VDAC2: variants seen among roughly 807,000 people sequenced by gnomAD.
VDAC2 encodes the protein voltage dependent anion channel 2.
A neutral mutation model predicts 36.6 loss-of-function variants in VDAC2; 6 were observed. That is an observed-to-expected ratio of 0.16 (90% CI 0.09 to 0.32). The LOEUF (loss-of-function observed/expected upper bound fraction) is 0.32, where lower values mean the gene tolerates loss of function less well. VDAC2 is among the 10% of genes least tolerant of loss of function. The probability of loss-of-function intolerance (pLI) is 1.00; values close to 1 mark genes in which losing one functional copy is unlikely to be tolerated. For synonymous variants in VDAC2, 109 were observed against 123.8 expected, an observed-to-expected ratio of 0.88 and a Z score of 0.79; for missense variants, 247 against 346.0, an observed-to-expected ratio of 0.71 and a Z score of 2.27.
intron 7 of VDAC2, 116 bp downstream of exon 7, chr10:75,221,086 A>T: frequency 1.8e-6 from 2 of 1,119,352 alleles, no homozygotes; most frequent in Non-Finnish European, 2.5e-6. Flanking sequence ...TTTAAAAACA[A>T]AATCATTCTT....
At chr10:75,212,978 CT>C (rs1841475745) in intron 3 of VDAC2, among the ~76,000 whole-genome samples, 1 of 152,088 alleles carries the variant, frequency 6.6e-6, no homozygotes, top group Non-Finnish European at 1.5e-5. Context: ...TTTGAGTTTT[CT>C]TGAAAATTTT....
At chr10:75,212,578 C>T (rs1450880858) in intron 3 of VDAC2, among the ~76,000 whole-genome samples, 2 of 152,128 alleles carry the variant, frequency 1.3e-5, no homozygotes, top group African/African-American at 4.8e-5. Flanking sequence ...TCTGCCACAC[C>T]TGGCTAATTT....
intron 4 of VDAC2, among the ~76,000 whole-genome samples, 180 bp from the exon 5 acceptor site, chr10:75,218,883 A>G (rs751369257): frequency 3.3e-5 from 5 of 152,074 alleles, no homozygotes; most frequent in Non-Finnish European, 7.3e-5. Flanking sequence ...CTTATTTGTC[A>G]CTCTTATATA....
intron 6 of VDAC2, among the ~76,000 whole-genome samples, chr10:75,219,797 T>C (rs553447686): frequency 3.6e-4 from 54 of 148,660 alleles, no homozygotes; most frequent in East Asian, 3.1e-3. Context: ...TTTTTTTTTT[T>C]CCATATTTTA....
intron 8 of VDAC2, among the ~76,000 whole-genome samples, chr10:75,223,351 C>G (rs1479316791): frequency 6.6e-6 from 1 of 152,180 alleles, no homozygotes; most frequent in African/African-American, 2.4e-5. Flanking sequence ...CTGTTACTTA[C>G]ATTGATGTTC....
At chr10:75,218,966 A>G in intron 4 of VDAC2, 97 bp from the exon 5 acceptor site, 2 of 1,303,896 alleles carry the variant, frequency 1.5e-6, no homozygotes, top group Non-Finnish European at 2.1e-6. Flanking sequence ...TGAATTTACC[A>G]AATGTTTCAG....
At chr10:75,224,474 T>G (rs1841900439) in intron 8 of VDAC2, among the ~76,000 whole-genome samples, 1 of 152,084 alleles carries the variant, frequency 6.6e-6, no homozygotes, top group Non-Finnish European at 1.5e-5. Context: ...AACTTTTGAC[T>G]CCTGGGTGGT....
Position 75,230,965 on chromosome 10 carries a change from G to T in VDAC2, c.861G>T (p.Gly287=), listed in dbSNP as rs1187393463. 6.2e-7 allele frequency: 1 copy of T among 1,612,738 alleles called. No homozygotes were observed. Among genetic ancestry groups the T allele is most frequent in the African/African-American group, 1.3e-5 (1 of 75,018 alleles). ...TTAATGCTGGAGGCCACAAGGTTGG[G>T]CTCGCCCTGGAGTTGGAGGCTTAAT... ...KSINAGGHKV[G]LALELEA Residue 287 remains glycine, a synonymous_variant, in exon 10 of 10, where the codon GGG becomes GGT. Transcript: ENST00000332211.
intron 4 of VDAC2, among the ~76,000 whole-genome samples, chr10:75,216,944 G>C (rs1375950323): frequency 6.6e-6 from 1 of 152,106 alleles, no homozygotes; most frequent in Non-Finnish European, 1.5e-5. Context: ...AATTATAGTT[G>C]CAGAAACAGA....
At chr10:75,228,055 C>T (rs752061956) in intron 8 of VDAC2, among the ~76,000 whole-genome samples, 12 of 151,732 alleles carry the variant, frequency 7.9e-5, no homozygotes, top group Non-Finnish European at 1.6e-4. Flanking sequence ...CCACCACGCC[C>T]GGCTAATTTT....
At chr10:75,216,312 T>C (rs1841603401) in intron 4 of VDAC2, among the ~76,000 whole-genome samples, 1 of 152,222 alleles carries the variant, frequency 6.6e-6, no homozygotes, top group Non-Finnish European at 1.5e-5. Context: ...CTGAGGTAAT[T>C]AATATCAAAT....
At chr10:75,229,866 CT>C (rs376672322) in intron 9 of VDAC2, among the ~76,000 whole-genome samples, 165 bp downstream of exon 9, 250 of 138,096 alleles carry the variant, frequency 1.8e-3, no homozygotes, top group Middle Eastern at 7.2e-3. Context: ...TTTTTCTTTG[CT>C]TTTTTTTTTT....
At chr10:75,211,294 C>A in intron 2 of VDAC2, 105 bp downstream of exon 2, 1 of 1,505,998 alleles carries the variant, frequency 6.6e-7, no homozygotes, top group South Asian at 1.2e-5. Flanking sequence ...CTTGGAAATT[C>A]GGCTGCTTTT....
chr10:75,211,436 A>G, intron 2 of VDAC2: 2 of 1,478,264 alleles, frequency 1.4e-6, no homozygotes, highest in Non-Finnish European at 1.8e-6. Flanking sequence ...CATGTCTTTG[A>G]CGTATAGAAG....
rs1842094256 is a variant in VDAC2 at position 75,231,330 on chromosome 10, CATTGAATGAGATGGATCAGTGGAT to C, written c.*345_*368del. On this transcript the variant is annotated 3_prime_UTR_variant, in exon 10 of 10. Coordinates refer to ENST00000332211, the MANE Select transcript of VDAC2 (RefSeq NM_001391963.1). Reference sequence around the variant, plus strand: ...TCCTTTAGAAAACATTGACTGTTACCATTGAATGAGATGGATCAGTGGATATTAAGATGAGGTTACAAATTTTGT... The same window carrying C: ...TCCTTTAGAAAACATTGACTGTTACCATTAAGATGAGGTTACAAATTTTGT... The C allele has an allele frequency of 5.6e-6, 1 of 178,030 alleles. No individual in the cohort carries two copies. The highest frequency in any genetic ancestry group is 2.4e-5 in the African/African-American group (1 of 42,076). The allele number at this position is 178,030 out of a possible 1,614,324, so 11.0% of individuals were successfully genotyped here.
At chr10:75,210,582 C>G (rs1379924699), upstream of VDAC2, 1 of 152,394 alleles carries the variant, frequency 6.6e-6, no homozygotes, top group South Asian at 2.1e-4. Flanking sequence ...CCCGCCCCCT[C>G]GCCTCTGAGG....
intron 2 of VDAC2, chr10:75,211,403 G>C: frequency 7.0e-7 from 1 of 1,437,798 alleles, no homozygotes; most frequent in Non-Finnish European, 9.2e-7. Flanking sequence ...GTCTGTGGCC[G>C]CATGGACTTT....
At chr10:75,211,015 G>C (rs925914365) in intron 1 of VDAC2, 77 bp downstream of exon 1, 2 of 946,460 alleles carry the variant, frequency 2.1e-6, no homozygotes, top group Admixed American at 3.7e-5. Context: ...GCCGGACTCG[G>C]AGTCGGCCCT....
At chr10:75,212,453 C>G (rs747101422) in intron 3 of VDAC2, among the ~76,000 whole-genome samples, 155 bp downstream of exon 3, 2 of 152,200 alleles carry the variant, frequency 1.3e-5, no homozygotes, top group African/African-American at 4.8e-5. Context: ...CCCTCTGTTG[C>G]CCAGGCTGGA....
Sources: allele counts gnomAD v4.1 joint callset (sites outside exome capture counted in the v4.1 genomes callset), GRCh38; gene constraint gnomAD v4.1.1; transcripts MANE v1.5; gene names NCBI Gene and HGNC (gene_info 2026-07-23, HGNC 2026-07-21).